Variants in TRAF1 observed in about 807,000 individuals in gnomAD.
The protein encoded by TRAF1 is TNF receptor-associated factor 1.
A neutral mutation model predicts 40.9 loss-of-function variants in TRAF1; 23 were observed. That is an observed-to-expected ratio of 0.56 (90% CI 0.40 to 0.80). The LOEUF is 0.80. Ranked by LOEUF, TRAF1 falls within the 30% of genes least tolerant of loss-of-function variation. The pLI is 0.00. For missense variants in TRAF1, 477 were observed against 528.7 expected (o/e 0.90, Z 0.96); for synonymous variants, 206 against 218.8 (o/e 0.94, Z 0.52).
chr9:120,920,856 C>A (rs1249043283), intron 3 of TRAF1, among the ~76,000 whole-genome samples: 1 of 152,160 alleles, frequency 6.6e-6, no homozygotes, highest in Non-Finnish European at 1.5e-5. Context: ...CAGGTTGCCC[C>A]AGATGTGCAG....
intron 7 of TRAF1, 130 bp from the exon 8 acceptor site, chr9:120,905,368 AT>A: frequency 1.9e-6 from 2 of 1,030,234 alleles, no homozygotes; most frequent in Non-Finnish European, 2.8e-6. Context: ...GCTCATTTGG[AT>A]TAGGAGTCAG....
rs545308648 is a variant in TRAF1 at position 120,913,958 on chromosome 9, A to C, written c.295-220T>G. Among the ~76,000 whole-genome samples the C allele has an allele frequency of 2.0e-5, 3 of 152,198 alleles. No homozygotes were observed. In the East Asian group the frequency reaches 5.8e-4, roughly 29 times the overall value. Reference sequence around the variant, plus strand: ...AGCTTCTAATTCTGCCCTGCCCTGGAGTGCAAGGATGATTCAGGACCATGG... The same window carrying C: ...AGCTTCTAATTCTGCCCTGCCCTGGCGTGCAAGGATGATTCAGGACCATGG... On this transcript the variant is annotated intron_variant, in intron 4 of 7. Coordinates refer to ENST00000373887, the MANE Select transcript of TRAF1 (RefSeq NM_005658.5).
At chr9:120,912,985 C>A (rs2046539858) in intron 5 of TRAF1, among the ~76,000 whole-genome samples, 1 of 152,114 alleles carries the variant, frequency 6.6e-6, no homozygotes, top group Admixed American at 6.5e-5. Flanking sequence ...AGGGGCAGGG[C>A]CAGGAACAAT....
chr9:120,913,624 C>T lies in TRAF1; in HGVS notation c.409G>A (p.Gly137Arg), dbSNP rs1225737482. 5.6e-6 allele frequency: 9 copies of T among 1,613,736 alleles called. No individual in the cohort carries two copies. Among genetic ancestry groups the T allele is most frequent in the Non-Finnish European group, 7.6e-6 (9 of 1,179,982 alleles). Reference protein sequence around the residue: ...KARLGCGLESGPMALEQNLSD... With the variant: ...KARLGCGLESRPMALEQNLSD... ...AGGTTCTGCTCCAGGGCCATGGGCC[C>T]AGACTCCAGGCCACAGCCCAGCCGG... The change falls in exon 5 of 8, where the codon GGG becomes AGG. Residue 137 changes from glycine (G) to arginine (R), a missense_variant. Transcript: ENST00000373887.
chr9:120,926,105 G>T lies in TRAF1; in HGVS notation c.-30C>A. On this transcript the variant is annotated 5_prime_UTR_variant, in exon 2 of 8. Transcript: ENST00000373887. ...GGGTTCCAGGCTGGCCAGAGGGCCTGTTTAAGTTGCTCCAGGGCAGGGGAC... is the reference window on the plus strand; with the variant it reads ...GGGTTCCAGGCTGGCCAGAGGGCCTTTTTAAGTTGCTCCAGGGCAGGGGAC... 1 of 1,525,472 alleles carries T rather than the reference G, an allele frequency of 6.6e-7. No individual in the cohort carries two copies. Among genetic ancestry groups the T allele is most frequent in the South Asian group, 1.3e-5 (1 of 76,944 alleles). 94.5% of individuals were successfully genotyped at this position (1,525,472 alleles called of 1,614,324 possible).
rs1034849164 is a variant in TRAF1, at chr9:120,916,779, G to A, written c.229-2479C>T. On this transcript the variant is annotated intron_variant, in intron 3 of 7. Coordinates refer to ENST00000373887, the MANE Select transcript of TRAF1 (RefSeq NM_005658.5). The stretch of plus-strand genomic sequence containing the variant: ...GTTCTATGGAAGGCAGGCAGAGGGC[G>A]GCCTTGGCAGGGAGACCGTGCTGGC... 1.1e-3 allele frequency among the ~76,000 whole-genome samples: 170 copies of A among 151,922 alleles called. 13 individuals are homozygous for A. The highest frequency in any genetic ancestry group is 3.9e-4 in the East Asian group (2 of 5,182).
chr9:120,911,902 A>T (rs1236574100), intron 5 of TRAF1, among the ~76,000 whole-genome samples: 1 of 152,142 alleles, frequency 6.6e-6, no homozygotes, highest in African/African-American at 2.4e-5. Flanking sequence ...CCTGGTATGT[A>T]AAAGTAGAGC....
chr9:120,917,323 G>A (rs529097742), intron 3 of TRAF1, among the ~76,000 whole-genome samples: 7 of 152,140 alleles, frequency 4.6e-5, no homozygotes, highest in Non-Finnish European at 7.4e-5. Context: ...TCTGGAGCCA[G>A]CCTTTTGGGG....
At chr9:120,909,199 C>T (rs376078303) in intron 7 of TRAF1, 31 bp downstream of exon 7, 3 of 1,605,776 alleles carry the variant, frequency 1.9e-6, no homozygotes, top group African/African-American at 2.7e-5. Flanking sequence ...CCATGCTCCC[C>T]ACCTTACCCC....
In TRAF1 at chr9:120,904,102, C is replaced by T. The variant is rs1173028432; in HGVS notation, c.*918G>A. On this transcript the variant is annotated 3_prime_UTR_variant, in exon 8 of 8. Transcript: ENST00000373887. ...TTCTGGAAAGCACCAAAGGTGGGGCCTCTAGGCAGGAAGAGGAAAGTTTAT... is the reference window on the plus strand; with the variant it reads ...TTCTGGAAAGCACCAAAGGTGGGGCTTCTAGGCAGGAAGAGGAAAGTTTAT... The T allele has an allele frequency of 6.6e-6, 1 of 152,262 alleles. No individual in the cohort carries two copies. The highest frequency in any genetic ancestry group is 1.5e-5 in the Non-Finnish European group (1 of 68,070). 9.4% of individuals were successfully genotyped at this position (152,262 alleles called of 1,614,324 possible). A position where few individuals can be genotyped will look rare whatever the true frequency, so the allele number is the denominator to read the frequency against.
rs1432963354 is a variant in TRAF1, at chr9:120,919,863, T to G, written c.228+3842A>C. 5.0e-4 allele frequency among the ~76,000 whole-genome samples: 76 copies of G among 152,216 alleles called. 1 individual carries two copies. Among genetic ancestry groups the G allele is most frequent in the Admixed American group, 4.9e-3 (75 of 15,294 alleles). Reference sequence around the variant, plus strand: ...ATGAAACATTTAGGGGAGGATTCCTTGTGTAGAGGCAGCATAGAGAAGATG... The same window carrying G: ...ATGAAACATTTAGGGGAGGATTCCTGGTGTAGAGGCAGCATAGAGAAGATG... On this transcript the variant is annotated intron_variant, in intron 3 of 7. Coordinates refer to ENST00000373887, the MANE Select transcript of TRAF1 (RefSeq NM_005658.5).
In TRAF1 at chr9:120,905,012, C is replaced by T. The variant is rs768598718; in HGVS notation, c.*8G>A. The T allele has an allele frequency of 4.0e-5, 65 of 1,610,472 alleles. No homozygotes were observed. The highest frequency in any genetic ancestry group is 1.5e-4 in the Admixed American group (9 of 59,602). On this transcript the variant is annotated 3_prime_UTR_variant, in exon 8 of 8. Coordinates refer to ENST00000373887, the MANE Select transcript of TRAF1 (RefSeq NM_005658.5). Reference sequence around the variant, plus strand: ...TGAGTTGGAGCTCCCTCAGGAGCCCCGCCCACCCTAAGTGCTGGTCTCCAC... The same window carrying T: ...TGAGTTGGAGCTCCCTCAGGAGCCCTGCCCACCCTAAGTGCTGGTCTCCAC...
chr9:120,909,368 A>C lies in TRAF1; in HGVS notation c.894T>G (p.Thr298=), dbSNP rs759387426. The change falls in exon 7 of 8, where the codon ACT becomes ACG. Residue 298 remains threonine (T), a synonymous_variant. Coordinates refer to ENST00000373887, the MANE Select transcript of TRAF1 (RefSeq NM_005658.5). ...TVSLFSPAFY[T]AKYGYKLCLR... ...GGCACAACTTGTAGCCATACTTGGC[A>C]GTGTAGAAGGCTGAAACGCAGAAGC... The C allele has an allele frequency of 1.2e-6, 2 of 1,613,884 alleles. No individual in the cohort carries two copies. Among genetic ancestry groups the C allele is most frequent in the African/African-American group, 2.7e-5 (2 of 74,942 alleles).
chr9:120,912,817 G>T (rs186002189), intron 5 of TRAF1, among the ~76,000 whole-genome samples: 1 of 152,232 alleles, frequency 6.6e-6, no homozygotes, highest in South Asian at 2.1e-4. Context: ...GAGCCAGAGC[G>T]TAGGATGGCA....
chr9:120,908,255 A>G (rs1343171798), intron 7 of TRAF1, among the ~76,000 whole-genome samples: 2 of 152,310 alleles, frequency 1.3e-5, no homozygotes, highest in Non-Finnish European at 2.9e-5. Flanking sequence ...TCCATTATGT[A>G]AAAGACAGGA....
intron 2 of TRAF1, among the ~76,000 whole-genome samples, chr9:120,924,333 T>G (rs987954135): frequency 6.6e-6 from 1 of 152,194 alleles, no homozygotes; most frequent in Admixed American, 6.5e-5. Flanking sequence ...AGAACATCTG[T>G]CCTAGAGGTT....
intron 3 of TRAF1, among the ~76,000 whole-genome samples, chr9:120,922,937 C>A (rs1429905656): frequency 1.3e-5 from 2 of 152,114 alleles, no homozygotes; most frequent in Admixed American, 6.5e-5. Context: ...TCCCCAGGCT[C>A]AGGCGACTCT....
Position 120,904,946 on chromosome 9 carries a change from G to T in TRAF1, c.*74C>A. The T allele has an allele frequency of 6.9e-7, 1 of 1,442,228 alleles. No homozygotes were observed. The highest frequency in any genetic ancestry group is 9.5e-7 in the Non-Finnish European group (1 of 1,054,234). The allele number at this position is 1,442,228 out of a possible 1,614,324, so 89.3% of individuals were successfully genotyped here. ...ATCTTTGTGCCCTGAGGTCTTGGGT[G>T]CCAAGGGCAGGGCATCACAGTCCTC... is the stretch of plus-strand genomic sequence containing the variant. On this transcript the variant is annotated 3_prime_UTR_variant, in exon 8 of 8. Coordinates refer to ENST00000373887, the MANE Select transcript of TRAF1 (RefSeq NM_005658.5).
At chr9:120,923,269 C>T (rs1460299327) in intron 3 of TRAF1, among the ~76,000 whole-genome samples, 2 of 152,174 alleles carry the variant, frequency 1.3e-5, no homozygotes, top group Non-Finnish European at 2.9e-5. Context: ...AACAGTTTTA[C>T]AGACAAGCAA....
Sources: allele counts gnomAD v4.1 joint callset (sites outside exome capture counted in the v4.1 genomes callset), GRCh38; gene constraint gnomAD v4.1.1; transcripts MANE v1.5; gene names NCBI Gene and HGNC (gene_info 2026-07-23, HGNC 2026-07-21).